The following PUS7 variants were observed in gnomAD, a reference collection of about 807,000 sequenced individuals.
PUS7 encodes the protein pseudouridylate synthase 7 homolog.
In PUS7, 48 loss-of-function variants were observed where a neutral mutation model predicts 79.8. The observed-to-expected ratio is 0.60, with a 90% CI of 0.48 to 0.76. PUS7 has a LOEUF of 0.76. Ranked by LOEUF, PUS7 falls within the 30% of genes least tolerant of loss-of-function variation. PUS7 has a pLI of 0.00. For missense variants in PUS7, 729 were observed against 797.6 expected, an observed-to-expected ratio of 0.91 and a Z score of 1.04; for synonymous variants, 286 against 272.2, an observed-to-expected ratio of 1.05 and a Z score of -0.50.
chr7:105,464,548 T>G (rs1477461913), intron 13 of PUS7, among the ~76,000 whole-genome samples: 2 of 152,214 alleles, frequency 1.3e-5, no homozygotes, highest in Non-Finnish European at 2.9e-5. Flanking sequence ...CAGAGCCAGA[T>G]GCCCTTCTTC....
At chr7:105,462,860 A>AGACTGCCTTATTAGGGCCCTT in intron 13 of PUS7, 110 bp from the exon 14 acceptor site, 1 of 1,006,028 alleles carries the variant, frequency 9.9e-7, no homozygotes, top group Non-Finnish European at 1.5e-6. Context: ...GCCCTAATAA[A>AGACTGCCTTATTAGGGCCCTT]ATTAGTCACC....
intron 1 of PUS7, among the ~76,000 whole-genome samples, chr7:105,521,221 G>A (rs1469385972): frequency 1.1e-4 from 17 of 151,192 alleles, no homozygotes; most frequent in South Asian, 8.6e-4. Context: ...TAGATGATTA[G>A]AGGCTTGGGG....
chr7:105,480,724 C>T (rs777137322), intron 9 of PUS7, among the ~76,000 whole-genome samples: 1 of 151,784 alleles, frequency 6.6e-6, no homozygotes. Context: ...TGCGGTGAGC[C>T]GAGATTGCGC....
intron 6 of PUS7, among the ~76,000 whole-genome samples, chr7:105,494,453 A>C (rs1224897114): frequency 8.3e-6 from 1 of 120,100 alleles, no homozygotes; most frequent in Non-Finnish European, 1.6e-5. Flanking sequence ...CTCTGTTGCC[A>C]GGCTGGAGTG....
intron 13 of PUS7, among the ~76,000 whole-genome samples, chr7:105,463,939 A>G (rs1823536661): frequency 6.6e-6 from 1 of 152,202 alleles, no homozygotes; most frequent in African/African-American, 2.4e-5. Context: ...TGTTCAAGTT[A>G]CTCATAAAAA....
intron 1 of PUS7, among the ~76,000 whole-genome samples, chr7:105,511,242 C>T (rs1207551376): frequency 6.7e-6 from 1 of 149,860 alleles, no homozygotes; most frequent in Non-Finnish European, 1.5e-5. Flanking sequence ...ACCATGTTGG[C>T]CAGGCTAGTC....
chr7:105,486,872 C>T (rs1824571574), intron 7 of PUS7, among the ~76,000 whole-genome samples: 2 of 151,858 alleles, frequency 1.3e-5, no homozygotes, highest in African/African-American at 4.8e-5. Context: ...CCAGCCTGGC[C>T]ATCCTGGTGA....
At chr7:105,478,137 A>T (rs1300014490) in intron 9 of PUS7, among the ~76,000 whole-genome samples, 3 of 152,144 alleles carry the variant, frequency 2.0e-5, no homozygotes, top group Non-Finnish European at 4.4e-5. Context: ...AGGTTCATTC[A>T]CGTTGCAGAA....
chr7:105,493,549 G>GT (rs1183063658), intron 6 of PUS7, among the ~76,000 whole-genome samples: 1 of 152,192 alleles, frequency 6.6e-6, no homozygotes, highest in Admixed American at 6.5e-5. Flanking sequence ...CCCAAAATTA[G>GT]TATGTTGAAG....
At chr7:105,496,942 A>G (rs1410768991) in intron 5 of PUS7, 5 of 1,205,280 alleles carry the variant, frequency 4.1e-6, no homozygotes, top group Admixed American at 2.4e-5. Context: ...ATGAAATGCC[A>G]AATGCTCTTA....
At chr7:105,463,178 C>T (rs1405538157) in intron 13 of PUS7, among the ~76,000 whole-genome samples, 3 of 152,158 alleles carry the variant, frequency 2.0e-5, no homozygotes, top group Non-Finnish European at 2.9e-5. Context: ...CTGGCTCACC[C>T]GCGCACCTGA....
intron 14 of PUS7, among the ~76,000 whole-genome samples, chr7:105,459,789 G>A (rs1823339203): frequency 6.6e-6 from 1 of 151,940 alleles, no homozygotes; most frequent in Non-Finnish European, 1.5e-5. Context: ...ATGCACAACT[G>A]GGGCCAGGCA....
intron 1 of PUS7, among the ~76,000 whole-genome samples, chr7:105,509,184 CAAAAAAAAAAAAAAAAAA>C (rs57095427): frequency 1.8e-5 from 1 of 55,718 alleles, no homozygotes; most frequent in Non-Finnish European, 2.8e-5. Context: ...GACTCCATCT[CAAAAAAAAAAAAAAAAAA>C]AAAAAAAAAG....
chr7:105,463,434 T>G (rs1823514666), intron 13 of PUS7, among the ~76,000 whole-genome samples: 1 of 152,204 alleles, frequency 6.6e-6, no homozygotes, highest in South Asian at 2.1e-4. Flanking sequence ...CAAACAATGC[T>G]TCCCTTAGCT....
At chr7:105,460,099 C>A (rs927672763) in intron 14 of PUS7, among the ~76,000 whole-genome samples, 6 of 152,040 alleles carry the variant, frequency 3.9e-5, no homozygotes, top group East Asian at 3.9e-4. Flanking sequence ...CCACCATGCC[C>A]GGCTAATTTT....
intron 5 of PUS7, among the ~76,000 whole-genome samples, chr7:105,500,089 A>G (rs1825186685): frequency 6.6e-6 from 1 of 152,176 alleles, no homozygotes; most frequent in South Asian, 2.1e-4. Context: ...GATTTAGTCC[A>G]TCTTTGAAGA....
At chr7:105,468,315 A>G in intron 12 of PUS7, 22 bp downstream of exon 12, 1 of 1,606,640 alleles carries the variant, frequency 6.2e-7, no homozygotes. Flanking sequence ...TAGCTGAGTA[A>G]CAAAGACATC....
Position 105,501,099 on chromosome 7 carries a change from C to T in PUS7, c.730+1321G>A, listed in dbSNP as rs140840171. The stretch of plus-strand genomic sequence containing the variant: ...GACTAGATTATTTCCTCAGGCACAG[C>T]GAAGCTTTCCTCCTGTTCTCTTTTT... On this transcript the variant is annotated intron_variant, in intron 5 of 15. Transcript: ENST00000469408. Among the ~76,000 whole-genome samples the T allele has an allele frequency of 2.0e-3, 305 of 152,260 alleles. 2 individuals are homozygous for T. Among genetic ancestry groups the T allele is most frequent in the African/African-American group, 7.1e-3 (294 of 41,564 alleles).
intron 13 of PUS7, among the ~76,000 whole-genome samples, chr7:105,463,832 C>T (rs527653757): frequency 6.6e-6 from 1 of 152,238 alleles, no homozygotes; most frequent in East Asian, 1.9e-4. Flanking sequence ...AAAATTAATA[C>T]TGCAATAGAA....
Sources: allele counts gnomAD v4.1 joint callset (sites outside exome capture counted in the v4.1 genomes callset), GRCh38; gene constraint gnomAD v4.1.1; transcripts MANE v1.5; gene names NCBI Gene and HGNC (gene_info 2026-07-23, HGNC 2026-07-21).